Variants in SLC44A3 observed in about 807,000 individuals in gnomAD.
The protein encoded by SLC44A3 is choline transporter-like protein 3.
A neutral mutation model predicts 75.4 loss-of-function variants in SLC44A3; 74 were observed. The observed-to-expected ratio is 0.98, with a 90% confidence interval of 0.81 to 1.19. The LOEUF (loss-of-function observed/expected upper bound fraction) is 1.19. Among genes scored for constraint, SLC44A3 ranks in the 50% most tolerant of loss-of-function variants. The pLI is 0.00. For missense variants in SLC44A3, 700 were observed against 778.6 expected, an observed-to-expected ratio of 0.90 and a Z score of 1.20; for synonymous variants, 310 against 296.9, an observed-to-expected ratio of 1.04 and a Z score of -0.45.
chr1:94,853,840 C>T (rs190565174), intron 9 of SLC44A3, among the ~76,000 whole-genome samples: 1 of 149,332 alleles, frequency 6.7e-6, no homozygotes, highest in East Asian at 2.0e-4. Flanking sequence ...CTGATAGTAA[C>T]TCAGATGGTA....
At chr1:94,830,752 G>T (rs1309826370) in intron 5 of SLC44A3, among the ~76,000 whole-genome samples, 1 of 152,142 alleles carries the variant, frequency 6.6e-6, no homozygotes, top group African/African-American at 2.4e-5. Flanking sequence ...GAAAGAGAAT[G>T]GAATTTTTAA....
chr1:94,838,688 A>T (rs1242186881), intron 6 of SLC44A3, among the ~76,000 whole-genome samples: 1 of 152,226 alleles, frequency 6.6e-6, no homozygotes, highest in African/African-American at 2.4e-5. Context: ...GCTTGGGGAT[A>T]TTTAACTAGT....
At chr1:94,838,336 C>T (rs1390586520) in intron 6 of SLC44A3, among the ~76,000 whole-genome samples, 1 of 152,210 alleles carries the variant, frequency 6.6e-6, no homozygotes, top group African/African-American at 2.4e-5. Context: ...CCTGCTGTAT[C>T]CTGCTCCTCT....
intron 12 of SLC44A3, among the ~76,000 whole-genome samples, chr1:94,874,341 G>A (rs768838614): frequency 2.6e-5 from 4 of 152,198 alleles, no homozygotes; most frequent in Non-Finnish European, 5.9e-5. Flanking sequence ...GCTCCCACCT[G>A]CTGTGGGCAT....
chr1:94,879,235 T>C (rs1557879472), intron 12 of SLC44A3, among the ~76,000 whole-genome samples: 1 of 151,484 alleles, frequency 6.6e-6, no homozygotes, highest in Non-Finnish European at 1.5e-5. Flanking sequence ...AACCCGATTT[T>C]AAAATGGGCA....
At chr1:94,890,459 T>C (rs1233778688) in intron 12 of SLC44A3, among the ~76,000 whole-genome samples, 1 of 152,192 alleles carries the variant, frequency 6.6e-6, no homozygotes, top group African/African-American at 2.4e-5. Flanking sequence ...ACCCTAGTAA[T>C]TTTAACACTC....
At chr1:94,833,073 G>A (rs1026752251) in intron 5 of SLC44A3, among the ~76,000 whole-genome samples, 47 of 152,108 alleles carry the variant, frequency 3.1e-4, no homozygotes, top group Non-Finnish European at 6.5e-4. Context: ...AGGAGCAAGT[G>A]GGAAGGCCAT....
At chr1:94,837,656 TTTAAAG>T in intron 5 of SLC44A3, 49 bp from the exon 6 acceptor site, 1 of 1,497,152 alleles carries the variant, frequency 6.7e-7, no homozygotes, top group Middle Eastern at 2.0e-4. Context: ...ATAAACATCT[TTTAAAG>T]ATAAATGTTA....
intron 3 of SLC44A3, 84 bp downstream of exon 3, chr1:94,824,719 T>C: frequency 6.9e-7 from 1 of 1,457,364 alleles, no homozygotes; most frequent in Non-Finnish European, 9.1e-7. Flanking sequence ...CCTGGAAACT[T>C]TTCCCATTCA....
chr1:94,857,398 T>C lies in SLC44A3; in HGVS notation c.1136T>C (p.Met379Thr). The C allele has an allele frequency of 6.2e-7, 1 of 1,614,040 alleles. No individual in the cohort carries two copies. Among genetic ancestry groups the C allele is most frequent in the Non-Finnish European group, 8.5e-7 (1 of 1,179,970 alleles). ...AAGCCCCTTTCGGGCATTCGGTACA[T>C]GTGGTCGTACCATTTAATTGGCCTC... ...EYKPLSGIRYMWSYHLIGLIW... is the reference protein window; with the variant it reads ...EYKPLSGIRYTWSYHLIGLIW... Residue 379 changes from methionine (M) to threonine (T), a missense_variant, in exon 10 of 15, where the codon ATG becomes ACG. Coordinates refer to ENST00000271227, the MANE Select transcript of SLC44A3 (RefSeq NM_001114106.3).
chr1:94,840,018 G>C lies in SLC44A3; in HGVS notation c.741G>C (p.Leu247Phe). The stretch of plus-strand genomic sequence containing the variant: ...TTCTGGTTCACATTTTCATTTCATT[G>C]GTTATTTTGGGATTGTTGTGTAAGT... ...TTLLVHIFIS[L>F]VILGLLFVCG... Residue 247 changes from leucine to phenylalanine, a missense_variant, in exon 7 of 15, where the codon TTG becomes TTC. Coordinates refer to ENST00000271227, the MANE Select transcript of SLC44A3 (RefSeq NM_001114106.3). 6.2e-7 allele frequency: 1 copy of C among 1,613,412 alleles called. No homozygotes were observed. The highest frequency in any genetic ancestry group is 8.5e-7 in the Non-Finnish European group (1 of 1,179,432).
At chr1:94,866,931 A>C (rs889244723) in intron 11 of SLC44A3, among the ~76,000 whole-genome samples, 1 of 151,418 alleles carries the variant, frequency 6.6e-6, no homozygotes, top group Non-Finnish European at 1.5e-5. Context: ...ACAGTGTATT[A>C]TTTGTTTTTT....
intron 12 of SLC44A3, among the ~76,000 whole-genome samples, chr1:94,884,791 G>C (rs1028563007): frequency 6.6e-6 from 1 of 152,072 alleles, no homozygotes; most frequent in African/African-American, 2.4e-5. Context: ...CTGGCTAAGC[G>C]TTTGATTTCA....
At position 94,854,232 on chromosome 1, in the gene SLC44A3, T is replaced by C. The variant is rs115078481; in HGVS notation, c.1073-3103T>C. ...TTGCAGGAGGTTGCTTAGGGGACAGTGCAGAGATGTGACTCTCAGCCTGTG... is the reference window on the plus strand; with the variant it reads ...TTGCAGGAGGTTGCTTAGGGGACAGCGCAGAGATGTGACTCTCAGCCTGTG... On this transcript the variant is annotated intron_variant, in intron 9 of 14. Transcript: ENST00000271227. Among the ~76,000 whole-genome samples the C allele has an allele frequency of 7.1e-3, 1,075 of 152,344 alleles. 15 individuals are homozygous for C. The highest frequency in any genetic ancestry group is 0.024 in the African/African-American group (1,010 of 41,572).
intron 4 of SLC44A3, among the ~76,000 whole-genome samples, chr1:94,827,905 G>C (rs1359879419): frequency 6.6e-6 from 1 of 152,172 alleles, no homozygotes; most frequent in African/African-American, 2.4e-5. Context: ...CATCCACAGA[G>C]AGAGAGAGGA....
At chr1:94,889,254 G>A (rs571604004) in intron 12 of SLC44A3, 2 of 152,184 alleles carry the variant, frequency 1.3e-5, no homozygotes, top group South Asian at 4.2e-4. Flanking sequence ...ATTTCCTTAC[G>A]ATGTGTCTGA....
intron 12 of SLC44A3, among the ~76,000 whole-genome samples, chr1:94,878,090 C>T (rs1036943482): frequency 4.9e-4 from 75 of 152,076 alleles, no homozygotes; most frequent in African/African-American, 1.6e-3. Context: ...AAAAATTAGC[C>T]GGGCGAGGTG....
At chr1:94,828,122 T>A (rs1219766271) in intron 4 of SLC44A3, among the ~76,000 whole-genome samples, 1 of 152,212 alleles carries the variant, frequency 6.6e-6, no homozygotes. Flanking sequence ...CTTGTATAAC[T>A]AAAATACCTT....
chr1:94,838,746 A>G (rs938200217), intron 6 of SLC44A3, among the ~76,000 whole-genome samples: 3 of 152,224 alleles, frequency 2.0e-5, no homozygotes, highest in Non-Finnish European at 2.9e-5. Flanking sequence ...AATGACTTCA[A>G]TTGACTCAAA....
Sources: gnomAD v4.1 joint callset for allele counts (sites outside exome capture counted in the v4.1 genomes callset) on GRCh38, gnomAD v4.1.1 for gene constraint, MANE v1.5 for transcripts, NCBI Gene and HGNC (gene_info 2026-07-23, HGNC 2026-07-21) for gene names.